The following RBFOX1 variants were observed in gnomAD, a reference collection of about 807,000 sequenced individuals.
RBFOX1 encodes RNA binding fox-1 homolog 1, also known as RNA binding protein fox-1 homolog 1.
Under a neutral mutation model 57.7 loss-of-function variants are expected in RBFOX1, and 8 were observed. The observed-to-expected ratio is 0.14, with a 90% CI of 0.08 to 0.25. The LOEUF (loss-of-function observed/expected upper bound fraction) is 0.25. RBFOX1 is among the 10% of genes least tolerant of loss of function. The pLI is 1.00. For synonymous variants in RBFOX1, 326 were observed against 222.4 expected (o/e 1.47, Z -4.15); for missense variants, 611 against 548.5 (o/e 1.11, Z -1.14).
intron 3 of RBFOX1, among the ~76,000 whole-genome samples, chr16:6,833,951 C>G (rs1026379638): frequency 1.3e-5 from 2 of 152,064 alleles, no homozygotes; most frequent in African/African-American, 4.8e-5. Flanking sequence ...TGACAAGGGG[C>G]TAGAGACATC....
chr16:7,320,137 A>T (rs568627791), intron 4 of RBFOX1, among the ~76,000 whole-genome samples: 3 of 152,114 alleles, frequency 2.0e-5, no homozygotes, highest in Non-Finnish European at 4.4e-5. Context: ...ACATAGGTAA[A>T]CGTGTGCCAT....
At chr16:7,137,822 A>C (rs893186712) in intron 4 of RBFOX1, among the ~76,000 whole-genome samples, 2 of 152,234 alleles carry the variant, frequency 1.3e-5, no homozygotes, top group African/African-American at 4.8e-5. Context: ...TTCATCTGCA[A>C]ATGTATGTGC....
chr16:5,805,424 A>C (rs567067973), intron 3 of RBFOX1, among the ~76,000 whole-genome samples: 1 of 152,198 alleles, frequency 6.6e-6, no homozygotes. Context: ...CAATTCCCTC[A>C]TCTTTAATAT....
intron 1 of RBFOX1, among the ~76,000 whole-genome samples, chr16:5,425,917 T>C (rs2067545804): frequency 6.6e-6 from 1 of 152,146 alleles, no homozygotes; most frequent in South Asian, 2.1e-4. Flanking sequence ...TGTGTGCCTT[T>C]CATAGGCCCC....
intron 3 of RBFOX1, among the ~76,000 whole-genome samples, chr16:6,920,703 C>A (rs757981780): frequency 3.3e-4 from 50 of 152,162 alleles, no homozygotes; most frequent in Non-Finnish European, 6.3e-4. Flanking sequence ...CATTGGCACC[C>A]CTTGGCTTGT....
intron 4 of RBFOX1, among the ~76,000 whole-genome samples, chr16:5,970,019 T>C (rs1321296071): frequency 1.3e-5 from 2 of 152,062 alleles, no homozygotes; most frequent in African/African-American, 2.4e-5. Flanking sequence ...GAAATACTCT[T>C]CCTAGTTCAG....
chr16:7,015,440 G>A (rs1028189005), intron 3 of RBFOX1, among the ~76,000 whole-genome samples: 2 of 152,156 alleles, frequency 1.3e-5, no homozygotes, highest in African/African-American at 4.8e-5. Context: ...ATCTTCTGGA[G>A]TATAAGGCAC....
intron 1 of RBFOX1, among the ~76,000 whole-genome samples, chr16:5,320,692 C>A (rs2064377397): frequency 6.6e-6 from 1 of 152,178 alleles, no homozygotes; most frequent in Non-Finnish European, 1.5e-5. Flanking sequence ...CGGGAATCTT[C>A]TTGTGTGACT....
chr16:5,636,476 C>T (rs567060698), intron 3 of RBFOX1, among the ~76,000 whole-genome samples: 1 of 152,270 alleles, frequency 6.6e-6, no homozygotes, highest in South Asian at 2.1e-4. Flanking sequence ...CTGAAGGACT[C>T]CTCCCGCTCA....
At chr16:7,080,124 C>G (rs1325913015) in intron 4 of RBFOX1, among the ~76,000 whole-genome samples, 1 of 147,754 alleles carries the variant, frequency 6.8e-6, no homozygotes, top group Admixed American at 6.8e-5. Flanking sequence ...TTAAAAAAGA[C>G]TAGTATACTT....
chr16:6,274,298 A>G (rs948849458), intron 1 of RBFOX1, among the ~76,000 whole-genome samples: 1 of 152,190 alleles, frequency 6.6e-6, no homozygotes, highest in African/African-American at 2.4e-5. Context: ...GGAACAGCCT[A>G]CATATATTTC....
At chr16:6,894,684 C>A (rs997809487) in intron 3 of RBFOX1, among the ~76,000 whole-genome samples, 3 of 152,144 alleles carry the variant, frequency 2.0e-5, no homozygotes, top group Admixed American at 2.0e-4. Context: ...CTGATAGCCT[C>A]GACCTCACTA....
intron 3 of RBFOX1, among the ~76,000 whole-genome samples, chr16:6,861,436 T>C (rs190085592): frequency 5.9e-5 from 9 of 152,098 alleles, no homozygotes; most frequent in African/African-American, 1.9e-4. Flanking sequence ...AACTGCTAAT[T>C]GCAAGGCCTG....
intron 1 of RBFOX1, among the ~76,000 whole-genome samples, chr16:6,057,321 G>GT (rs1407970575): frequency 6.6e-6 from 1 of 151,736 alleles, no homozygotes; most frequent in Non-Finnish European, 1.5e-5. Flanking sequence ...TGTCTTTATA[G>GT]TTTAATATCA....
intron 1 of RBFOX1, among the ~76,000 whole-genome samples, chr16:5,412,420 C>T (rs1308785504): frequency 4.6e-5 from 7 of 152,118 alleles, no homozygotes; most frequent in Admixed American, 2.0e-4. Context: ...ATTATGGGCT[C>T]GTGATGGTTG....
At chr16:6,892,495 C>A (rs902704562) in intron 3 of RBFOX1, among the ~76,000 whole-genome samples, 6 of 152,004 alleles carry the variant, frequency 3.9e-5, no homozygotes. Context: ...CACGGTGAAA[C>A]CCTGATTCTA....
intron 2 of RBFOX1, among the ~76,000 whole-genome samples, chr16:5,550,033 C>G (rs749215183): frequency 6.6e-6 from 1 of 152,184 alleles, no homozygotes; most frequent in African/African-American, 2.4e-5. Context: ...CTTTGTTTAC[C>G]TACTGTTTCT....
intron 2 of RBFOX1, among the ~76,000 whole-genome samples, chr16:6,570,966 T>C (rs113199614): frequency 1.7e-3 from 254 of 152,280 alleles, no homozygotes; most frequent in African/African-American, 5.2e-3. Flanking sequence ...CTGGGTACCC[T>C]GTTTTCAAAA....
chr16:6,655,373 CAAAAAAAAAAAAAAAAA>C (rs71406388), intron 3 of RBFOX1, among the ~76,000 whole-genome samples: 14 of 33,738 alleles, frequency 4.1e-4, no homozygotes, highest in Middle Eastern at 0.019. Context: ...GCCTCCGTTT[CAAAAAAAAAAAAAAAAA>C]AAAAAAAAAA....
Sources: gnomAD v4.1 joint callset for allele counts (sites outside exome capture counted in the v4.1 genomes callset) on GRCh38, gnomAD v4.1.1 for gene constraint, MANE v1.5 for transcripts, NCBI Gene and HGNC (gene_info 2026-07-23, HGNC 2026-07-21) for gene names.